Variants in FSTL5 observed in about 807,000 individuals in gnomAD.
The protein encoded by FSTL5 is follistatin like 5, also known as follistatin-related protein 5.
Under a neutral mutation model 89.1 loss-of-function variants are expected in FSTL5, and 62 were observed. That is an observed-to-expected ratio of 0.70 (90% CI 0.57 to 0.86). The LOEUF (loss-of-function observed/expected upper bound fraction) is 0.86, where lower values mean the gene tolerates loss of function less well. Ranked by LOEUF, FSTL5 falls within the 40% of genes least tolerant of loss-of-function variation. The pLI is 0.00. For missense variants in FSTL5, 1,057 were observed against 1,001.6 expected, an observed-to-expected ratio of 1.06 and a Z score of -0.75; for synonymous variants, 383 against 346.2, an observed-to-expected ratio of 1.11 and a Z score of -1.18.
intron 4 of FSTL5, among the ~76,000 whole-genome samples, chr4:161,815,520 CTTAA>C (rs1730298327): frequency 6.6e-6 from 1 of 151,978 alleles, no homozygotes; most frequent in Non-Finnish European, 1.5e-5. Context: ...TACAGACAGC[CTTAA>C]TTTTCTTCTC....
intron 2 of FSTL5, among the ~76,000 whole-genome samples, chr4:162,105,714 T>C (rs760356755): frequency 5.3e-5 from 8 of 152,220 alleles, no homozygotes; most frequent in Non-Finnish European, 7.3e-5. Flanking sequence ...GGTATAATCC[T>C]TACTATTTAG....
At chr4:161,825,134 C>T (rs979121651) in intron 4 of FSTL5, among the ~76,000 whole-genome samples, 3 of 152,130 alleles carry the variant, frequency 2.0e-5, no homozygotes, top group Non-Finnish European at 2.9e-5. Context: ...GCTTTTTCTG[C>T]ATCCATTGAG....
At chr4:161,663,304 C>A in intron 6 of FSTL5, among the ~76,000 whole-genome samples, 2 of 152,172 alleles carry the variant, frequency 1.3e-5, no homozygotes, top group East Asian at 3.9e-4. Flanking sequence ...TGAGACAAGG[C>A]AAGTCCCTTT....
At chr4:161,799,776 A>C (rs1418966694) in intron 4 of FSTL5, among the ~76,000 whole-genome samples, 1 of 151,726 alleles carries the variant, frequency 6.6e-6, no homozygotes, top group Non-Finnish European at 1.5e-5. Flanking sequence ...TGAGTAAGTA[A>C]CCAAAGATAA....
At chr4:161,733,437 A>C (rs1739684126) in intron 6 of FSTL5, among the ~76,000 whole-genome samples, 1 of 151,958 alleles carries the variant, frequency 6.6e-6, no homozygotes, top group Admixed American at 6.6e-5. Flanking sequence ...TTTTCAAACA[A>C]AAACATTTTT....
At chr4:161,669,233 T>C (rs1390451458) in intron 6 of FSTL5, among the ~76,000 whole-genome samples, 3 of 151,990 alleles carry the variant, frequency 2.0e-5, no homozygotes. Flanking sequence ...CTCCACTCCA[T>C]CTTTAAATTT....
At chr4:161,408,923 G>A (rs1345098921) in intron 15 of FSTL5, among the ~76,000 whole-genome samples, 1 of 152,172 alleles carries the variant, frequency 6.6e-6, no homozygotes, top group Non-Finnish European at 1.5e-5. Context: ...ATTATGTGAA[G>A]AGACCATATC....
At chr4:161,761,796 A>G (rs1740815268) in intron 5 of FSTL5, among the ~76,000 whole-genome samples, 1 of 152,212 alleles carries the variant, frequency 6.6e-6, no homozygotes. Flanking sequence ...CTTATCATCT[A>G]TACTGAAGCA....
intron 6 of FSTL5, among the ~76,000 whole-genome samples, chr4:161,706,412 C>A (rs2079583942): frequency 6.6e-6 from 1 of 151,838 alleles, no homozygotes; most frequent in Non-Finnish European, 1.5e-5. Flanking sequence ...TATTTTAATT[C>A]TTATTGAGAA....
intron 10 of FSTL5, among the ~76,000 whole-genome samples, chr4:161,516,650 A>C (rs1730844910): frequency 1.9e-5 from 2 of 106,166 alleles, no homozygotes; most frequent in African/African-American, 3.7e-5. Flanking sequence ...TATTTTATAT[A>C]ATAAATTATA....
At chr4:161,673,375 T>A (rs1737186669) in intron 6 of FSTL5, among the ~76,000 whole-genome samples, 1 of 151,966 alleles carries the variant, frequency 6.6e-6, no homozygotes, top group Non-Finnish European at 1.5e-5. Context: ...TTGTAAATAT[T>A]TTACTATGGT....
intron 14 of FSTL5, among the ~76,000 whole-genome samples, chr4:161,458,375 A>G (rs1733439072): frequency 6.6e-6 from 1 of 152,238 alleles, no homozygotes; most frequent in African/African-American, 2.4e-5. Flanking sequence ...TATGCTAGCT[A>G]TATTAAAATA....
intron 4 of FSTL5, among the ~76,000 whole-genome samples, chr4:161,850,043 T>A (rs1430022366): frequency 6.6e-6 from 1 of 152,164 alleles, no homozygotes; most frequent in Non-Finnish European, 1.5e-5. Flanking sequence ...AATGTTAATT[T>A]TGCATGAAAG....
In FSTL5 at chr4:161,508,696, C is replaced by T. The variant is rs144721255; in HGVS notation, c.1339+1702G>A. On this transcript the variant is annotated intron_variant, in intron 11 of 15. Coordinates refer to ENST00000306100, the MANE Select transcript of FSTL5 (RefSeq NM_020116.5). ...TATTATTATGTATTAAAAATTACTACGAATTAATAATGTTCACGGTGGTTA... is the reference window on the plus strand; with the variant it reads ...TATTATTATGTATTAAAAATTACTATGAATTAATAATGTTCACGGTGGTTA... 3.0e-4 allele frequency among the ~76,000 whole-genome samples: 46 copies of T among 151,768 alleles called. No individual in the cohort carries two copies. In the Middle Eastern group the frequency reaches 0.01, roughly 34 times the overall value.
intron 7 of FSTL5, among the ~76,000 whole-genome samples, chr4:161,643,596 A>C (rs1736040606): frequency 6.6e-6 from 1 of 152,160 alleles, no homozygotes; most frequent in African/African-American, 2.4e-5. Flanking sequence ...ATATTTGTTA[A>C]ATGCATGAAG....
At position 161,562,941 on chromosome 4, in the gene FSTL5, C is replaced by T. The variant is rs543126996; in HGVS notation, c.1016-20248G>A. On this transcript the variant is annotated intron_variant, in intron 8 of 15. Coordinates refer to ENST00000306100, the MANE Select transcript of FSTL5 (RefSeq NM_020116.5). Reference sequence around the variant, plus strand: ...TGGCTTATTTCACTTAGCATAATGTCCTCCAGGTTCATACATGTTGTAGCA... The same window carrying T: ...TGGCTTATTTCACTTAGCATAATGTTCTCCAGGTTCATACATGTTGTAGCA... Among the ~76,000 whole-genome samples the T allele has an allele frequency of 7.9e-5, 12 of 152,028 alleles. No homozygotes were observed. In the South Asian group the frequency reaches 2.5e-3, roughly 32 times the overall value.
At chr4:162,027,447 G>A (rs1156751695) in intron 3 of FSTL5, among the ~76,000 whole-genome samples, 1 of 151,982 alleles carries the variant, frequency 6.6e-6, no homozygotes, top group Non-Finnish European at 1.5e-5. Flanking sequence ...AATTTTGAAT[G>A]TTTGTCAAAG....
chr4:161,494,512 T>C (rs955915439), intron 12 of FSTL5, among the ~76,000 whole-genome samples: 1 of 152,192 alleles, frequency 6.6e-6, no homozygotes, highest in East Asian at 1.9e-4. Flanking sequence ...ATGTGGACCA[T>C]TGAGCTTCCC....
intron 1 of FSTL5, among the ~76,000 whole-genome samples, chr4:162,132,412 C>T (rs1308373121): frequency 6.6e-6 from 1 of 152,084 alleles, no homozygotes; most frequent in African/African-American, 2.4e-5. Flanking sequence ...TGCAGCTTCA[C>T]TCCTGAAGCC....
Sources: allele counts gnomAD v4.1 joint callset (sites outside exome capture counted in the v4.1 genomes callset), GRCh38; gene constraint gnomAD v4.1.1; transcripts MANE v1.5; gene names NCBI Gene and HGNC (gene_info 2026-07-23, HGNC 2026-07-21).